NDUFA10: variants seen among roughly 807,000 people sequenced by gnomAD.
The protein encoded by NDUFA10 is NADH dehydrogenase [ubiquinone] 1 alpha subcomplex subunit 10, mitochondrial.
Under a neutral mutation model 47.8 loss-of-function variants are expected in NDUFA10, and 40 were observed. The observed-to-expected ratio is 0.84, with a 90% CI of 0.65 to 1.09. The LOEUF is 1.09. NDUFA10 is among the 50% of genes least tolerant of loss of function. The pLI is 0.00. For missense variants in NDUFA10, 413 were observed against 451.1 expected, an observed-to-expected ratio of 0.92 and a Z score of 0.76; for synonymous variants, 183 against 172.2, an observed-to-expected ratio of 1.06 and a Z score of -0.49.
At chr2:239,972,315 G>A (rs567557928) in intron 9 of NDUFA10, among the ~76,000 whole-genome samples, 4 of 152,060 alleles carry the variant, frequency 2.6e-5, no homozygotes, top group African/African-American at 7.2e-5. Flanking sequence ...CCTGTGTACC[G>A]GGTGGGCTTC....
At chr2:240,017,728 G>A (rs1697422237) in intron 4 of NDUFA10, 2 of 1,069,852 alleles carry the variant, frequency 1.9e-6, no homozygotes, top group Non-Finnish European at 2.8e-6. Context: ...CAGTGCTCTT[G>A]CGGGCGGCAA....
At chr2:239,940,019 T>G (rs966031487) in intron 4 of NDUFA10, among the ~76,000 whole-genome samples, 1 of 152,240 alleles carries the variant, frequency 6.6e-6, no homozygotes, top group Non-Finnish European at 1.5e-5. Context: ...CTGGTGTGAC[T>G]TGGGGGTAGG....
At chr2:239,980,782 G>A (rs975929291) in intron 9 of NDUFA10, among the ~76,000 whole-genome samples, 3 of 152,162 alleles carry the variant, frequency 2.0e-5, no homozygotes, top group East Asian at 1.9e-4. Flanking sequence ...CTGAAGCCGC[G>A]GTGCCCTCGG....
At chr2:239,955,786 G>A (rs985129866), downstream of NDUFA10, among the ~76,000 whole-genome samples, 10 of 152,154 alleles carry the variant, frequency 6.6e-5, no homozygotes, top group African/African-American at 2.2e-4. Flanking sequence ...CAAACCCACG[G>A]CCAGGGGACA....
At chr2:239,969,020 G>GA (rs1559332541) in intron 9 of NDUFA10, among the ~76,000 whole-genome samples, 1 of 152,120 alleles carries the variant, frequency 6.6e-6, no homozygotes. Flanking sequence ...ACTGCTGTCA[G>GA]AAAAAAAGTT....
chr2:239,938,554 C>T (rs1694307027), intron 4 of NDUFA10, among the ~76,000 whole-genome samples: 1 of 152,214 alleles, frequency 6.6e-6, no homozygotes, highest in South Asian at 2.1e-4. Flanking sequence ...GCGGCTACTT[C>T]CAGGGCAGCG....
At chr2:239,982,297 T>G in intron 9 of NDUFA10, 1 of 1,571,888 alleles carries the variant, frequency 6.4e-7, no homozygotes, top group Non-Finnish European at 8.6e-7. Context: ...GTTACTTGTC[T>G]TTTGCAATTT....
chr2:239,913,026 C>T (rs1019369656), intron 4 of NDUFA10, among the ~76,000 whole-genome samples: 4 of 152,032 alleles, frequency 2.6e-5, no homozygotes, highest in Non-Finnish European at 5.9e-5. Context: ...CTGCCCAAAG[C>T]TCTGGCAAGG....
intron 9 of NDUFA10, among the ~76,000 whole-genome samples, chr2:239,970,501 TA>T (rs1422212976): frequency 4.6e-5 from 7 of 152,204 alleles, no homozygotes; most frequent in Non-Finnish European, 8.8e-5. Context: ...GATAAAAGAC[TA>T]AAAGACTAAA....
At chr2:239,970,715 T>C (rs1265579786) in intron 9 of NDUFA10, among the ~76,000 whole-genome samples, 1 of 152,194 alleles carries the variant, frequency 6.6e-6, no homozygotes, top group South Asian at 2.1e-4. Context: ...TGTGACAAGT[T>C]AGAGTTGCCC....
intron 8 of NDUFA10, among the ~76,000 whole-genome samples, chr2:240,000,089 G>C (rs1235892516): frequency 6.6e-6 from 1 of 152,212 alleles, no homozygotes; most frequent in Non-Finnish European, 1.5e-5. Context: ...GTACAGTACA[G>C]AATACCTGAT....
At chr2:239,951,517 G>GT (rs1694551434) in intron 4 of NDUFA10, among the ~76,000 whole-genome samples, 1 of 152,120 alleles carries the variant, frequency 6.6e-6, no homozygotes, top group Non-Finnish European at 1.5e-5. Flanking sequence ...GGGATGCCTG[G>GT]TCAGGGTCCT....
chr2:239,972,444 A>G (rs1396038477), intron 9 of NDUFA10, among the ~76,000 whole-genome samples: 1 of 151,984 alleles, frequency 6.6e-6, no homozygotes, highest in East Asian at 1.9e-4. Context: ...TCCAGTTTCC[A>G]ACTCCTATTT....
chr2:239,915,265 T>TAC (rs201178242), intron 4 of NDUFA10, among the ~76,000 whole-genome samples: 114,413 of 145,262 alleles, frequency 0.79, 44,904 homozygotes, highest in African/African-American at 0.91. Context: ...CACACACACA[T>TAC]ACAGACACAC....
At position 239,906,279 on chromosome 2, in the gene NDUFA10, C is replaced by G. The variant is rs111773881; in HGVS notation, c.295-10965G>C. Among the ~76,000 whole-genome samples the G allele has an allele frequency of 2.1e-3, 322 of 152,310 alleles. 2 individuals carry two copies. The Middle Eastern group carries it at 0.024, about 11-fold the overall frequency. ...CATTTAATCATCTACTGTTCAAGCTCTTAGCAAAACTGCGGCTTCAGTTGT... is the reference window on the plus strand; with the variant it reads ...CATTTAATCATCTACTGTTCAAGCTGTTAGCAAAACTGCGGCTTCAGTTGT... On this transcript the variant is annotated intron_variant, in intron 4 of 5. Transcript: ENST00000419408. This position sits in a 1 kb window ranked among gnomAD's most constrained non-coding sequence, Gnocchi z 4.3.
At chr2:240,015,991 T>C (rs1035753119) in intron 4 of NDUFA10, among the ~76,000 whole-genome samples, 14 of 151,982 alleles carry the variant, frequency 9.2e-5, no homozygotes, top group Non-Finnish European at 1.6e-4. Context: ...ATCCCATGTC[T>C]ACCAAAAATA....
chr2:239,995,091 T>C (rs1696413234), intron 8 of NDUFA10, among the ~76,000 whole-genome samples: 1 of 152,072 alleles, frequency 6.6e-6, no homozygotes, highest in African/African-American at 2.4e-5. Flanking sequence ...GTGGGCAACA[T>C]GGCAAAACCC....
chr2:239,903,464 C>T (rs1327329595), intron 4 of NDUFA10, among the ~76,000 whole-genome samples: 1 of 152,116 alleles, frequency 6.6e-6, no homozygotes, highest in Non-Finnish European at 1.5e-5. Context: ...TCTGCATGTC[C>T]CAGGACAGGG....
downstream of NDUFA10, among the ~76,000 whole-genome samples, chr2:239,956,951 G>T (rs543768026): frequency 6.6e-6 from 1 of 152,152 alleles, no homozygotes; most frequent in Admixed American, 6.5e-5. Context: ...TCCCTGACGC[G>T]TGTGGAGCAC....
Sources: allele counts gnomAD v4.1 joint callset (sites outside exome capture counted in the v4.1 genomes callset), GRCh38; gene constraint gnomAD v4.1.1; non-coding constraint Gnocchi (gnomAD v3.1); transcripts MANE v1.5; gene names NCBI Gene and HGNC (gene_info 2026-07-23, HGNC 2026-07-21).